The following G3BP1 variants were observed in gnomAD, a reference collection of about 807,000 sequenced individuals.
G3BP1 encodes the protein ras GTPase-activating protein-binding protein 1.
G3BP1 carries 35 observed loss-of-function variants against 58.6 expected under a neutral mutation model. The observed-to-expected ratio is 0.60, with a 90% CI of 0.46 to 0.79. The LOEUF (loss-of-function observed/expected upper bound fraction) is 0.79, where lower values mean the gene tolerates loss of function less well. Ranked by LOEUF, G3BP1 falls within the 30% of genes least tolerant of loss-of-function variation. The probability of loss-of-function intolerance (pLI) is 0.00; values close to 1 mark genes in which losing one functional copy is unlikely to be tolerated. For missense variants in G3BP1, 523 were observed against 580.8 expected, an observed-to-expected ratio of 0.90 and a Z score of 1.02; for synonymous variants, 191 against 195.4, an observed-to-expected ratio of 0.98 and a Z score of 0.19.
intron 1 of G3BP1, 55 bp from the exon 2 acceptor site, chr5:151,786,517 C>T: frequency 1.4e-6 from 1 of 731,290 alleles, no homozygotes; most frequent in East Asian, 2.5e-5. Flanking sequence ...GATCTTGTCT[C>T]TGAGTTGGTT....
chr5:151,794,004 C>T (rs927146331), intron 4 of G3BP1, among the ~76,000 whole-genome samples, 155 bp from the exon 5 acceptor site: 2 of 152,124 alleles, frequency 1.3e-5, no homozygotes, highest in Admixed American at 6.5e-5. Flanking sequence ...CAGCAAGACC[C>T]TGTCTCAGAA....
At chr5:151,788,368 A>G (rs1762586787) in intron 2 of G3BP1, among the ~76,000 whole-genome samples, 1 of 151,906 alleles carries the variant, frequency 6.6e-6, no homozygotes, top group African/African-American at 2.4e-5. Flanking sequence ...ATGACTATTA[A>G]GTGATAAAAC....
At chr5:151,775,961 C>T (rs1028143951) in intron 1 of G3BP1, among the ~76,000 whole-genome samples, 1 of 152,108 alleles carries the variant, frequency 6.6e-6, no homozygotes, top group Non-Finnish European at 1.5e-5. Context: ...TTATGTAATC[C>T]AAGTACATTT....
chr5:151,804,047 A>C lies in G3BP1; in HGVS notation c.1357A>C (p.Lys453Gln). ...CCCTCCCCGTGGAGGCATGGTGCAG[A>C]AACCAGGATTTGGAGTGGGAAGGGG... ...RGPPRGGMVQKPGFGVGRGLA... is the reference protein window; with the variant it reads ...RGPPRGGMVQQPGFGVGRGLA... The change falls in exon 12 of 12, where the codon AAA (lysine) becomes CAA (glutamine). Residue 453 changes from lysine (K) to glutamine (Q), a missense_variant. Physicochemically the swap from Lys to Gln is moderately conservative, Grantham distance 53. This residue lies in a region of G3BP1 where 125 missense variants were observed against 181.7 expected (regional missense o/e 0.69). Transcript: ENST00000356245. 1 of 1,612,834 alleles carries C rather than the reference A, an allele frequency of 6.2e-7. No individual in the cohort carries two copies. Among genetic ancestry groups the C allele is most frequent in the Non-Finnish European group, 8.5e-7 (1 of 1,179,318 alleles).
intron 1 of G3BP1, among the ~76,000 whole-genome samples, chr5:151,774,815 T>G (rs531342561): frequency 2.6e-3 from 396 of 152,242 alleles, no homozygotes; most frequent in Non-Finnish European, 4.8e-3. Flanking sequence ...AGTACTCCAG[T>G]ACAAGCCCTG....
chr5:151,790,110 CAAAAA>C (rs759799755), intron 2 of G3BP1, among the ~76,000 whole-genome samples: 3 of 57,158 alleles, frequency 5.2e-5, no homozygotes. Context: ...TCAGCAAGAG[CAAAAA>C]AAAAAAAAAA....
chr5:151,804,039 TGGTG>T lies in G3BP1; in HGVS notation c.1350_1353del (p.Met450IlefsTer51), dbSNP rs1762903362. ...ATGAGAGGCCCTCCCCGTGGAGGCATGGTGCAGAAACCAGGATTTGGAGTGGGAA... is the reference window on the plus strand; with the variant it reads ...ATGAGAGGCCCTCCCCGTGGAGGCATCAGAAACCAGGATTTGGAGTGGGAA... On this transcript the variant is annotated frameshift_variant, in exon 12 of 12. Transcript: ENST00000356245. LOFTEE classifies it high-confidence loss of function. 6.2e-7 allele frequency: 1 copy of T among 1,613,024 alleles called. No individual in the cohort carries two copies.
At chr5:151,772,881 A>G (rs1762298248) in intron 1 of G3BP1, among the ~76,000 whole-genome samples, 4 of 152,248 alleles carry the variant, frequency 2.6e-5, no homozygotes, top group Non-Finnish European at 5.9e-5. Context: ...AGAAGGCTGC[A>G]GCGGCATTTG....
intron 1 of G3BP1, among the ~76,000 whole-genome samples, chr5:151,774,642 G>A (rs573968530): frequency 1.4e-4 from 21 of 148,074 alleles, no homozygotes; most frequent in Admixed American, 4.7e-4. Flanking sequence ...TAATTATATT[G>A]TGCTTTGGCT....
rs1763024372 is a variant in G3BP1 at position 151,811,955 on chromosome 5, A to C, written c.*7864A>C. 1 of 152,224 alleles carries C rather than the reference A, an allele frequency of 6.6e-6. No homozygotes were observed. Among genetic ancestry groups the C allele is most frequent in the South Asian group, 2.1e-4 (1 of 4,834 alleles). 9.4% of individuals were successfully genotyped at this position (152,224 alleles called of 1,614,324 possible). ...ACCTGATTTTCCAGGCCAATTAATT[A>C]AAATGTCCCCAGGCTGCTTTTTAGA... On this transcript the variant is annotated 3_prime_UTR_variant, in exon 12 of 12. Transcript: ENST00000356245.
At chr5:151,780,652 A>G (rs899966050) in intron 1 of G3BP1, among the ~76,000 whole-genome samples, 2 of 152,086 alleles carry the variant, frequency 1.3e-5, no homozygotes, top group Non-Finnish European at 2.9e-5. Flanking sequence ...TGCTGGGACT[A>G]CAGGCGCCCA....
intron 4 of G3BP1, chr5:151,791,296 C>A: frequency 2.7e-6 from 1 of 375,770 alleles, no homozygotes; most frequent in Non-Finnish European, 4.9e-6. Flanking sequence ...AATTCTCTTC[C>A]ATTCTGTAGT....
At chr5:151,783,582 G>A (rs113028146) in intron 1 of G3BP1, among the ~76,000 whole-genome samples, 50 of 151,862 alleles carry the variant, frequency 3.3e-4, no homozygotes, top group African/African-American at 1.2e-3. Flanking sequence ...GGAGAGACAG[G>A]GTTTCACCAT....
At chr5:151,780,193 GTTAC>G in intron 1 of G3BP1, among the ~76,000 whole-genome samples, 1 of 152,140 alleles carries the variant, frequency 6.6e-6, no homozygotes, top group East Asian at 1.9e-4. Context: ...CATTTTCCTG[GTTAC>G]TTACTCTGTT....
intron 1 of G3BP1, chr5:151,772,699 C>G (rs979583612): frequency 3.3e-5 from 5 of 152,322 alleles, no homozygotes; most frequent in African/African-American, 1.2e-4. Flanking sequence ...TCCTTAGCGG[C>G]CCAAGGCACG....
intron 3 of G3BP1, among the ~76,000 whole-genome samples, 188 bp downstream of exon 3, chr5:151,790,592 A>C (rs1762634655): frequency 6.6e-6 from 1 of 152,142 alleles, no homozygotes; most frequent in African/African-American, 2.4e-5. Flanking sequence ...CAGATTTGTT[A>C]ATTTTGTATG....
intron 7 of G3BP1, among the ~76,000 whole-genome samples, chr5:151,797,669 C>A (rs2113244940): frequency 6.6e-6 from 1 of 152,246 alleles, no homozygotes; most frequent in East Asian, 1.9e-4. Context: ...CCTGTTAGAC[C>A]AGAAATTTTA....
At position 151,804,121 on chromosome 5, in the gene G3BP1, A is replaced by G. The variant is rs762275704; in HGVS notation, c.*30A>G. 3.4e-6 allele frequency: 5 copies of G among 1,491,810 alleles called. No individual in the cohort carries two copies. The Admixed American group carries it at 5.6e-5, about 17-fold the overall frequency. The allele number at this position is 1,491,810 out of a possible 1,614,324, so 92.4% of individuals were successfully genotyped here. A position where few individuals can be genotyped will look rare whatever the true frequency, so the allele number is the denominator to read the frequency against. On this transcript the variant is annotated 3_prime_UTR_variant, in exon 12 of 12. Coordinates refer to ENST00000356245, the MANE Select transcript of G3BP1 (RefSeq NM_005754.3). ...TCATGGATCTTCATGCAGCCATACA[A>G]ACCCTGGTTCCAACAGAATGGTGAA...
chr5:151,784,843 C>T (rs919260415), intron 1 of G3BP1, among the ~76,000 whole-genome samples: 1 of 152,022 alleles, frequency 6.6e-6, no homozygotes, highest in African/African-American at 2.4e-5. Context: ...CTTTAGGAGC[C>T]AGCTGCCACT....
Sources: allele counts gnomAD v4.1 joint callset (sites outside exome capture counted in the v4.1 genomes callset), GRCh38; gene constraint gnomAD v4.1.1; regional missense constraint gnomAD v4.1.1; transcripts MANE v1.5; gene names NCBI Gene and HGNC (gene_info 2026-07-23, HGNC 2026-07-21).